The following ADPRHL1 variants were observed in gnomAD, a reference collection of about 807,000 sequenced individuals.
The protein encoded by ADPRHL1 is inactive ADP-ribosyltransferase ARH2.
Under a neutral mutation model 44.1 loss-of-function variants are expected in ADPRHL1, and 43 were observed. That is an observed-to-expected ratio of 0.98 (90% confidence interval 0.76 to 1.26). ADPRHL1 has a LOEUF of 1.26. Ranked by LOEUF, ADPRHL1 falls within the 50% of genes most tolerant of loss-of-function variation. ADPRHL1 has a pLI of 0.00. For synonymous variants in ADPRHL1, 878 were observed against 1,017.4 expected (o/e 0.86, Z 2.61); for missense variants, 2,022 against 2,496.9 (o/e 0.81, Z 4.05).
At chr13:113,410,166 G>C in intron 7 of ADPRHL1, 3 of 978,378 alleles carry the variant, frequency 3.1e-6, no homozygotes, top group Non-Finnish European at 3.6e-6. Context: ...TGGCAGGGCC[G>C]CAGATGGAAC....
intron 4 of ADPRHL1, among the ~76,000 whole-genome samples, chr13:113,428,220 GGTGAC>G (rs2043980768): frequency 6.9e-6 from 1 of 145,594 alleles, no homozygotes; most frequent in Admixed American, 7.2e-5. Flanking sequence ...CTCCAGCCTG[GGTGAC>G]GAGCCAGATT....
At chr13:113,446,944 C>T (rs2044143355) in intron 1 of ADPRHL1, among the ~76,000 whole-genome samples, 2 of 137,052 alleles carry the variant, frequency 1.5e-5, no homozygotes, top group Non-Finnish European at 3.0e-5. Flanking sequence ...TGCATGGTGT[C>T]TACACTCACG....
chr13:113,444,207 C>T (rs184857251), intron 2 of ADPRHL1, among the ~76,000 whole-genome samples: 81 of 150,788 alleles, frequency 5.4e-4, no homozygotes, highest in Admixed American at 2.2e-3. Flanking sequence ...CCGCGCTTGC[C>T]GGGCTGACCA....
At position 113,409,884 on chromosome 13, in the gene ADPRHL1, G is replaced by A. The variant is rs1175242667; in HGVS notation, c.1062-1664C>T. 22 of 799,656 alleles carry A rather than the reference G, an allele frequency of 2.8e-5. No individual in the cohort carries two copies. The highest frequency in any genetic ancestry group is 1.4e-4 in the East Asian group (1 of 7,200). 49.5% of individuals were successfully genotyped at this position (799,656 alleles called of 1,614,324 possible). On this transcript the variant is annotated intron_variant, in intron 7 of 7. Coordinates refer to ENST00000612156, the MANE Select transcript of ADPRHL1 (RefSeq NM_001394807.1). The surrounding 1 kb of genome is among the most constrained non-coding windows in gnomAD (Gnocchi z 4.2). ...AGCCTGAGCGACAGAGCGAGACTCC[G>A]TCTCAAAAAAAAAAAAAAAAAAAAG...
At chr13:113,442,459 C>G (rs137905455) in intron 2 of ADPRHL1, among the ~76,000 whole-genome samples, 1 of 152,188 alleles carries the variant, frequency 6.6e-6, no homozygotes, top group Non-Finnish European at 1.5e-5. Flanking sequence ...AGGCTCTGCA[C>G]TATCCCCAGA....
At position 113,409,141 on chromosome 13, in the gene ADPRHL1, A is replaced by ACGGG. The variant is rs1379302323; in HGVS notation, c.1062-925_1062-922dup. On this transcript the variant is annotated intron_variant, in intron 7 of 7. Coordinates refer to ENST00000612156, the MANE Select transcript of ADPRHL1 (RefSeq NM_001394807.1). The surrounding 1 kb of genome is among the most constrained non-coding windows in gnomAD (Gnocchi z 4.2). Reference sequence around the variant, plus strand: ...TCCCACCAGCCCAGCTTTCAAAGAGACGGGACCAAATGGGTCTTGGCTGGA... The same window carrying ACGGG: ...TCCCACCAGCCCAGCTTTCAAAGAGACGGGCGGGACCAAATGGGTCTTGGCTGGA... 6.6e-6 allele frequency among the ~76,000 whole-genome samples: 1 copy of ACGGG among 152,048 alleles called. No individual in the cohort carries two copies. Among genetic ancestry groups the ACGGG allele is most frequent in the Admixed American group, 6.5e-5 (1 of 15,276 alleles).
At chr13:113,431,259 G>T (rs2044004887) in intron 3 of ADPRHL1, among the ~76,000 whole-genome samples, 1 of 152,142 alleles carries the variant, frequency 6.6e-6, no homozygotes, top group Non-Finnish European at 1.5e-5. Context: ...CCCAGGCTGG[G>T]CCCACGGTGA....
chr13:113,418,897 C>T lies in ADPRHL1; in HGVS notation c.1061+3929G>A, dbSNP rs1375988347. Among the ~76,000 whole-genome samples the T allele has an allele frequency of 3.4e-5, 5 of 148,130 alleles. No homozygotes were observed. The Admixed American group carries it at 3.4e-4, about 10-fold the overall frequency. On this transcript the variant is annotated intron_variant, in intron 7 of 7. Transcript: ENST00000612156. ...AGAGATGCGGATCCACAGGGATGTG[C>T]AACACTGATGCTCCCAGAGAAGAAC...
chr13:113,414,664 G>A (rs973855760), intron 7 of ADPRHL1, among the ~76,000 whole-genome samples: 2 of 151,408 alleles, frequency 1.3e-5, no homozygotes, highest in African/African-American at 4.9e-5. Context: ...GCTGAGCAGG[G>A]GTCTTCTGTT....
chr13:113,409,659 G>A lies in ADPRHL1; in HGVS notation c.1062-1439C>T, dbSNP rs979943786. On this transcript the variant is annotated intron_variant, in intron 7 of 7. Transcript: ENST00000612156. This position sits in a 1 kb window ranked among gnomAD's most constrained non-coding sequence, Gnocchi z 4.2. ...CAGCGTGATTTGGGAGGCCGAGGCT[G>A]GCAGATCACGAGGTCAGGAGATCGA... The A allele has an allele frequency of 5.2e-6, 5 of 959,260 alleles. No homozygotes were observed. Among genetic ancestry groups the A allele is most frequent in the African/African-American group, 1.8e-5 (1 of 56,686 alleles). The allele number at this position is 959,260 out of a possible 1,614,324, so 59.4% of individuals were successfully genotyped here. A position where few individuals can be genotyped will look rare whatever the true frequency, so the allele number is the denominator to read the frequency against.
intron 2 of ADPRHL1, among the ~76,000 whole-genome samples, chr13:113,435,119 A>G: frequency 7.5e-6 from 1 of 133,544 alleles, no homozygotes; most frequent in South Asian, 2.5e-4. Context: ...TGTAGAGTGA[A>G]CATAGGTGTA....
intron 5 of ADPRHL1, 79 bp from the exon 6 acceptor site, chr13:113,424,428 C>A: frequency 4.4e-6 from 7 of 1,575,098 alleles, no homozygotes; most frequent in South Asian, 1.2e-5. Flanking sequence ...GCTTTCTGGG[C>A]CCCTCCTAGT....
At chr13:113,412,362 T>G (rs1441412845) in intron 7 of ADPRHL1, among the ~76,000 whole-genome samples, 1 of 152,138 alleles carries the variant, frequency 6.6e-6, no homozygotes, top group Non-Finnish European at 1.5e-5. Flanking sequence ...TATTTTTTAG[T>G]AGAGACGGGG....
At chr13:113,446,058 C>T (rs2044134798) in intron 1 of ADPRHL1, among the ~76,000 whole-genome samples, 1 of 138,314 alleles carries the variant, frequency 7.2e-6, no homozygotes, top group African/African-American at 3.0e-5. Flanking sequence ...GCGTGCAGGG[C>T]CCGGCGGCTG....
intron 2 of ADPRHL1, among the ~76,000 whole-genome samples, chr13:113,435,960 T>C (rs1232450189): frequency 2.7e-3 from 172 of 63,634 alleles, no homozygotes; most frequent in East Asian, 7.6e-3. Flanking sequence ...GCAGGGTGAA[T>C]ACAGGTGTAC....
chr13:113,451,260 T>C (rs967616197), intron 1 of ADPRHL1, among the ~76,000 whole-genome samples: 7 of 152,380 alleles, frequency 4.6e-5, no homozygotes, highest in Admixed American at 4.6e-4. Flanking sequence ...TAATGATTAA[T>C]GATATTCATA....
rs1216103290 is a variant in ADPRHL1 at position 113,453,197 on chromosome 13, C to A, written c.214+27G>T. Reference sequence around the variant, plus strand: ...CAGCCAGTGTTCCCTCCAGCCCGCACACCGGAGCGCGGTGGGCCCAGCCTA... The same window carrying A: ...CAGCCAGTGTTCCCTCCAGCCCGCAAACCGGAGCGCGGTGGGCCCAGCCTA... On this transcript the variant is annotated intron_variant, in intron 1 of 7. Coordinates refer to ENST00000612156, the MANE Select transcript of ADPRHL1 (RefSeq NM_001394807.1). The surrounding 1 kb of genome is among the most constrained non-coding windows in gnomAD (Gnocchi z 5.4). The A allele has an allele frequency of 6.2e-7, 1 of 1,613,130 alleles. No homozygotes were observed. The highest frequency in any genetic ancestry group is 8.5e-7 in the Non-Finnish European group (1 of 1,179,514).
chr13:113,433,860 C>A lies in ADPRHL1; in HGVS notation c.387G>T (p.Gly129=), dbSNP rs142667173. ...ACATGGCCTTGGTGGCCGCTCCAAA[C>A]CCTGAGCCTGTGTGGAGAAGGAAGA... The part of the protein sequence containing the change: ...WHTPFNEKGS[G]FGAATKAMCI... Residue 129 remains glycine (G), a synonymous_variant, in exon 3 of 8, where the codon GGG becomes GGT. Transcript: ENST00000612156. 436 of 1,551,080 alleles carry A rather than the reference C, an allele frequency of 2.8e-4. 1 individual carries two copies. The highest frequency in any genetic ancestry group is 3.2e-4 in the Non-Finnish European group (364 of 1,144,656).
chr13:113,444,167 G>T (rs766672836), intron 2 of ADPRHL1, among the ~76,000 whole-genome samples: 1 of 152,040 alleles, frequency 6.6e-6, no homozygotes, highest in Non-Finnish European at 1.5e-5. Context: ...GACCAGGAGG[G>T]GCCCCTGCCC....
Sources: allele counts gnomAD v4.1 joint callset (sites outside exome capture counted in the v4.1 genomes callset), GRCh38; gene constraint gnomAD v4.1.1; non-coding constraint Gnocchi (gnomAD v3.1); transcripts MANE v1.5; gene names NCBI Gene and HGNC (gene_info 2026-07-23, HGNC 2026-07-21).